CPNE8: variants seen among roughly 807,000 people sequenced by gnomAD.
The protein encoded by CPNE8 is copine-8.
A neutral mutation model predicts 81.5 loss-of-function variants in CPNE8; 45 were observed. The ratio of observed to expected loss-of-function variants is 0.55; its 90% confidence interval spans 0.44 to 0.71. The LOEUF is 0.71. CPNE8 is among the 30% of genes least tolerant of loss of function. The pLI is 0.00. For missense variants in CPNE8, 594 were observed against 672.1 expected, an observed-to-expected ratio of 0.88 and a Z score of 1.28; for synonymous variants, 252 against 226.3, an observed-to-expected ratio of 1.11 and a Z score of -1.02.
intron 6 of CPNE8, among the ~76,000 whole-genome samples, chr12:38,799,427 A>C (rs1024225113): frequency 6.6e-5 from 10 of 152,188 alleles, no homozygotes. Flanking sequence ...GAAACTGAAC[A>C]ACCTGCTCCT....
chr12:38,661,388 C>G (rs999086979), intron 19 of CPNE8, among the ~76,000 whole-genome samples: 4 of 152,056 alleles, frequency 2.6e-5, no homozygotes, highest in African/African-American at 9.7e-5. Flanking sequence ...TATTCTCACT[C>G]ATAGGTGGGA....
At chr12:38,657,394 C>A (rs1938845630) in intron 19 of CPNE8, among the ~76,000 whole-genome samples, 1 of 152,156 alleles carries the variant, frequency 6.6e-6, no homozygotes. Flanking sequence ...CTGGGTGGAG[C>A]CCACTGCAGC....
At chr12:38,732,072 C>G (rs776465020) in intron 10 of CPNE8, among the ~76,000 whole-genome samples, 7 of 151,934 alleles carry the variant, frequency 4.6e-5, no homozygotes, top group Non-Finnish European at 8.8e-5. Flanking sequence ...CTTATATAAA[C>G]AGAGCTCACC....
In CPNE8 at chr12:38,848,585, T is replaced by C; in HGVS notation, c.264A>G (p.Glu88=). Reference sequence around the variant, plus strand: ...AGTCAAAACGAAGATTCTCTCTTTCTTCAAAAAAGTAGTCCAGAATAAACT... The same window carrying C: ...AGTCAAAACGAAGATTCTCTCTTTCCTCAAAAAAGTAGTCCAGAATAAACT... ...VRKFILDYFF[E]ERENLRFDLY... The change falls in exon 4 of 20, where the codon GAA becomes GAG. Residue 88 remains glutamate (E), a synonymous_variant. Coordinates refer to ENST00000331366, the MANE Select transcript of CPNE8 (RefSeq NM_153634.3). The C allele has an allele frequency of 3.2e-6, 5 of 1,584,658 alleles. No homozygotes were observed.
intron 14 of CPNE8, 47 bp downstream of exon 14, chr12:38,702,828 C>A (rs1421617142): frequency 2.7e-6 from 3 of 1,108,780 alleles, no homozygotes; most frequent in East Asian, 2.6e-5. Context: ...ATTTATTTTT[C>A]ATGTAATTGC....
chr12:38,781,609 T>C (rs895478115), intron 6 of CPNE8, among the ~76,000 whole-genome samples: 1 of 152,078 alleles, frequency 6.6e-6, no homozygotes, highest in Non-Finnish European at 1.5e-5. Context: ...ACTGCATGCA[T>C]CTACTATTAT....
At chr12:38,747,773 A>C (rs1198708465) in intron 10 of CPNE8, among the ~76,000 whole-genome samples, 1 of 152,114 alleles carries the variant, frequency 6.6e-6, no homozygotes, top group Non-Finnish European at 1.5e-5. Flanking sequence ...TCAATAATTT[A>C]GATACTAATC....
chr12:38,742,946 T>C (rs190328552), intron 10 of CPNE8, among the ~76,000 whole-genome samples: 46 of 152,012 alleles, frequency 3.0e-4, no homozygotes, highest in Middle Eastern at 3.4e-3. Context: ...TGTGCATCAA[T>C]ATAGAAATTT....
At chr12:38,842,124 G>T (rs1450201060) in intron 4 of CPNE8, among the ~76,000 whole-genome samples, 1 of 151,306 alleles carries the variant, frequency 6.6e-6, no homozygotes, top group Non-Finnish European at 1.5e-5. Context: ...ACTTTCAACA[G>T]CTATAGCCTG....
chr12:38,717,533 G>C (rs1940436316), intron 13 of CPNE8, among the ~76,000 whole-genome samples: 2 of 147,726 alleles, frequency 1.4e-5, no homozygotes, highest in South Asian at 4.3e-4. Flanking sequence ...GCAGGTGGAG[G>C]TATTTATTCT....
chr12:38,812,785 A>G (rs2136990534), intron 6 of CPNE8, among the ~76,000 whole-genome samples: 1 of 152,342 alleles, frequency 6.6e-6, no homozygotes, highest in African/African-American at 2.4e-5. Context: ...ATGTGAGGAC[A>G]GAGTGTGCCC....
intron 1 of CPNE8, among the ~76,000 whole-genome samples, chr12:38,901,119 G>A (rs1351247889): frequency 6.6e-6 from 1 of 152,160 alleles, no homozygotes; most frequent in East Asian, 1.9e-4. Flanking sequence ...TACTCGAGAG[G>A]CTGAGGAAGG....
At chr12:38,890,878 A>G (rs1363349541) in intron 1 of CPNE8, among the ~76,000 whole-genome samples, 1 of 149,376 alleles carries the variant, frequency 6.7e-6, no homozygotes, top group African/African-American at 2.4e-5. Context: ...ATTATCTGTC[A>G]ACATTTTTAT....
intron 1 of CPNE8, among the ~76,000 whole-genome samples, chr12:38,875,567 C>G (rs538974643): frequency 6.6e-6 from 1 of 152,036 alleles, no homozygotes; most frequent in African/African-American, 2.4e-5. Context: ...TTTGTACTGC[C>G]CTTGGTATCT....
chr12:38,771,096 A>T (rs1941789968), intron 7 of CPNE8, among the ~76,000 whole-genome samples: 1 of 152,196 alleles, frequency 6.6e-6, no homozygotes, highest in East Asian at 1.9e-4. Flanking sequence ...TTTTGTAAAC[A>T]CTGTTCAATC....
At chr12:38,784,107 A>T (rs1942116699) in intron 6 of CPNE8, among the ~76,000 whole-genome samples, 1 of 152,230 alleles carries the variant, frequency 6.6e-6, no homozygotes, top group South Asian at 2.1e-4. Flanking sequence ...GAGGGAACTC[A>T]AATTGAAGAT....
In CPNE8 at chr12:38,670,709, G is replaced by T. The variant is rs544326225; in HGVS notation, c.1506+20C>A. On this transcript the variant is annotated intron_variant, in intron 19 of 19. Coordinates refer to ENST00000331366, the MANE Select transcript of CPNE8 (RefSeq NM_153634.3). ...GATATTTTCTAGCAATAGTAAAGTAGGAAAAGGTTTATTTCTTACCTGCAC... is the reference window on the plus strand; with the variant it reads ...GATATTTTCTAGCAATAGTAAAGTATGAAAAGGTTTATTTCTTACCTGCAC... The T allele has an allele frequency of 6.4e-7, 1 of 1,552,814 alleles. No individual in the cohort carries two copies. The highest frequency in any genetic ancestry group is 1.2e-5 in the South Asian group (1 of 86,490).
intron 6 of CPNE8, among the ~76,000 whole-genome samples, chr12:38,781,028 T>C (rs1043466581): frequency 6.6e-6 from 1 of 152,020 alleles, no homozygotes; most frequent in Non-Finnish European, 1.5e-5. Context: ...AGCAAGGTGA[T>C]AATTTAAGTT....
At chr12:38,832,650 C>T (rs559812953) in intron 5 of CPNE8, among the ~76,000 whole-genome samples, 1 of 152,242 alleles carries the variant, frequency 6.6e-6, no homozygotes, top group East Asian at 1.9e-4. Context: ...GAGGCCTCTA[C>T]AGGTACCGTA....
Sources: gnomAD v4.1 joint callset for allele counts (sites outside exome capture counted in the v4.1 genomes callset) on GRCh38, gnomAD v4.1.1 for gene constraint, MANE v1.5 for transcripts, NCBI Gene and HGNC (gene_info 2026-07-23, HGNC 2026-07-21) for gene names.